JADE3: variants seen among roughly 807,000 people sequenced by gnomAD.
JADE3 encodes jade family PHD finger 3.
A neutral mutation model predicts 50.1 loss-of-function variants in JADE3; 2 were observed. The ratio of observed to expected loss-of-function variants is 0.04; its 90% CI spans 0.02 to 0.13. The LOEUF is 0.13. Among genes scored for constraint, JADE3 ranks in the 10% least tolerant of loss-of-function variants. The pLI is 1.00. For missense variants in JADE3, 475 were observed against 634.4 expected, an observed-to-expected ratio of 0.75 and a Z score of 2.70; for synonymous variants, 218 against 232.9, an observed-to-expected ratio of 0.94 and a Z score of 0.58.
chrX:46,963,825 A>T (rs1927312877), intron 1 of JADE3, among the ~76,000 whole-genome samples: 1 of 111,862 alleles, frequency 8.9e-6, no homozygotes, highest in Non-Finnish European at 1.9e-5. Context: ...GAACTGGCAC[A>T]CCATCACCTC....
chrX:46,923,389 CTCTCTTTTTTT>C (rs1167046734), intron 1 of JADE3, among the ~76,000 whole-genome samples: 8 of 24,189 alleles, frequency 3.3e-4, no homozygotes, highest in South Asian at 3.2e-3. Context: ...CTCTCTCTCT[CTCTCTTTTTTT>C]TTTTTTTTTT....
intron 3 of JADE3, among the ~76,000 whole-genome samples, chrX:46,997,577 T>C (rs953350822): frequency 8.9e-6 from 1 of 111,833 alleles, no homozygotes. Flanking sequence ...AGTGAAAATT[T>C]GAATGAATTC....
chrX:47,012,504 C>T (rs1027193042), intron 4 of JADE3, among the ~76,000 whole-genome samples: 1 of 110,722 alleles, frequency 9.0e-6, no homozygotes, highest in Non-Finnish European at 1.9e-5. Context: ...TTGCTTGAGC[C>T]CAGGAGTTTA....
In JADE3 at chrX:46,916,632, A is replaced by G. The variant is rs1164341172; in HGVS notation, c.-12+3913A>G. 4.4e-5 allele frequency among the ~76,000 whole-genome samples: 5 copies of G among 112,432 alleles called. No homozygotes were observed. In the East Asian group the frequency reaches 1.4e-3, roughly 31 times the overall value. ...ACTATGCCAAACTTTAATACTGTTA[A>G]TGAAAATTCACTCCACTCCCCAACT... is the stretch of plus-strand genomic sequence containing the variant. On this transcript the variant is annotated intron_variant, in intron 1 of 10. Transcript: ENST00000614628.
At chrX:47,047,344 C>G (rs1399782549) in intron 8 of JADE3, among the ~76,000 whole-genome samples, 2 of 111,319 alleles carry the variant, frequency 1.8e-5, no homozygotes, top group African/African-American at 3.3e-5. Flanking sequence ...GCCAGGAGTT[C>G]AAGACCAGCC....
intron 1 of JADE3, among the ~76,000 whole-genome samples, chrX:46,923,300 C>T (rs1926266453): frequency 9.3e-6 from 1 of 107,185 alleles, no homozygotes; most frequent in African/African-American, 3.4e-5. Context: ...CAAGTGTGAG[C>T]CACTGCGCCC....
At chrX:47,032,563 A>G (rs1243706267) in intron 6 of JADE3, among the ~76,000 whole-genome samples, 9 of 111,250 alleles carry the variant, frequency 8.1e-5, no homozygotes, top group Non-Finnish European at 1.7e-4. Context: ...AAATTAATCA[A>G]TCCAGGCATG....
chrX:46,969,658 G>A (rs1299448052), intron 1 of JADE3, among the ~76,000 whole-genome samples: 1 of 111,965 alleles, frequency 8.9e-6, no homozygotes, highest in Non-Finnish European at 1.9e-5. Flanking sequence ...CCAACATGGC[G>A]AAACCCTGTC....
intron 1 of JADE3, among the ~76,000 whole-genome samples, chrX:46,935,590 A>T (rs1036377079): frequency 9.1e-6 from 1 of 110,248 alleles, no homozygotes; most frequent in African/African-American, 3.3e-5. Context: ...CGCTAATGTG[A>T]GGGATCTAGG....
At chrX:46,928,787 G>GT (rs1335103793) in intron 1 of JADE3, among the ~76,000 whole-genome samples, 1 of 110,122 alleles carries the variant, frequency 9.1e-6, no homozygotes, top group Non-Finnish European at 1.9e-5. Flanking sequence ...GTTTTGTTTT[G>GT]TTTTTTGTAG....
At chrX:46,915,769 A>C (rs782070464) in intron 1 of JADE3, among the ~76,000 whole-genome samples, 2 of 110,552 alleles carry the variant, frequency 1.8e-5, no homozygotes, top group Admixed American at 1.9e-4. Flanking sequence ...AAAAAAAAAA[A>C]AGGGTCCTGG....
chrX:47,013,879 T>TGGCCCTCC (rs1928616117), intron 4 of JADE3, among the ~76,000 whole-genome samples: 1 of 112,097 alleles, frequency 8.9e-6, no homozygotes, highest in South Asian at 3.7e-4. Context: ...AAGCAGATGT[T>TGGCCCTCC]ATCATTCTTT....
Position 46,958,745 on chromosome X carries a change from T to C in JADE3, c.-11-26139T>C, listed in dbSNP as rs187839105. On this transcript the variant is annotated intron_variant, in intron 1 of 10. Transcript: ENST00000614628. Reference sequence around the variant, plus strand: ...GTTTAGAATCTAGTTTGAAGTGATATTCAAGCTTTTTATTTGCAATAATTA... The same window carrying C: ...GTTTAGAATCTAGTTTGAAGTGATACTCAAGCTTTTTATTTGCAATAATTA... Among the ~76,000 whole-genome samples the C allele has an allele frequency of 5.3e-5, 6 of 112,233 alleles. No homozygotes were observed. The East Asian group carries it at 1.7e-3, about 31-fold the overall frequency.
chrX:46,980,157 G>A (rs1388757050), intron 1 of JADE3, among the ~76,000 whole-genome samples: 2 of 110,546 alleles, frequency 1.8e-5, no homozygotes, highest in African/African-American at 6.6e-5. Context: ...TGGGATTACA[G>A]GTGCGAGCCA....
rs1247446384 is a variant in JADE3, at chrX:47,060,812, T to C, written c.*1735T>C. 8.9e-6 allele frequency: 1 copy of C among 112,185 alleles called. No homozygotes were observed. The highest frequency in any genetic ancestry group is 1.9e-5 in the Non-Finnish European group (1 of 53,253). The allele number at this position is 112,185 out of a possible 1,213,427, so 9.2% of individuals were successfully genotyped here. On this transcript the variant is annotated 3_prime_UTR_variant, in exon 11 of 11. Coordinates refer to ENST00000614628, the MANE Select transcript of JADE3 (RefSeq NM_014735.5). ...CTGGAGTAGATATTAATTTGATACC[T>C]TCATGGTAATGAAATTATGATGGAG...
At chrX:46,955,434 G>A (rs1214705471) in intron 1 of JADE3, among the ~76,000 whole-genome samples, 3 of 111,560 alleles carry the variant, frequency 2.7e-5, no homozygotes, top group Admixed American at 1.9e-4. Context: ...AAGGTTGATC[G>A]GGGTGTGAGA....
chrX:46,942,401 AAGGG>A (rs1926780723), intron 1 of JADE3, among the ~76,000 whole-genome samples: 1 of 112,157 alleles, frequency 8.9e-6, no homozygotes, highest in African/African-American at 3.2e-5. Context: ...GGTGAAAGGT[AAGGG>A]TTCAGTTTCT....
At chrX:46,993,545 T>C (rs1481955873) in intron 3 of JADE3, among the ~76,000 whole-genome samples, 1 of 111,891 alleles carries the variant, frequency 8.9e-6, no homozygotes, top group Non-Finnish European at 1.9e-5. Flanking sequence ...CTGTTTGATA[T>C]GGGGGAAAGG....
chrX:46,961,166 C>T (rs1927250309), intron 1 of JADE3, among the ~76,000 whole-genome samples: 1 of 111,871 alleles, frequency 8.9e-6, no homozygotes, highest in Admixed American at 9.5e-5. Context: ...TGGTGTTATC[C>T]ACATTTTCCA....
Sources: allele counts gnomAD v4.1 joint callset (sites outside exome capture counted in the v4.1 genomes callset), GRCh38; gene constraint gnomAD v4.1.1; transcripts MANE v1.5; gene names NCBI Gene and HGNC (gene_info 2026-07-23, HGNC 2026-07-21).